ABCG5: variants seen among roughly 807,000 people sequenced by gnomAD.
The protein encoded by ABCG5 is ATP binding cassette subfamily G member 5.
A neutral mutation model predicts 64.5 loss-of-function variants in ABCG5; 64 were observed. That is an observed-to-expected ratio of 0.99 (90% CI 0.81 to 1.22). The LOEUF (loss-of-function observed/expected upper bound fraction) is 1.22, where lower values mean the gene tolerates loss of function less well. Among genes scored for constraint, ABCG5 ranks in the 50% most tolerant of loss-of-function variants. ABCG5 has a pLI of 0.00. For missense variants in ABCG5, 908 were observed against 829.5 expected (o/e 1.09, Z -1.16); for synonymous variants, 385 against 326.3 (o/e 1.18, Z -1.94).
Position 43,827,902 on chromosome 2 carries a change from G to A in ABCG5, c.634+81C>T, listed in dbSNP as rs555515858. On this transcript the variant is annotated intron_variant, in intron 5 of 12. Coordinates refer to ENST00000405322, the MANE Select transcript of ABCG5 (RefSeq NM_022436.3). ...ACAAACCCCTTTCCAAATGAGGACC[G>A]TGAAGAAAGGGCCCAAAGTATCTGC... 1.6e-3 allele frequency: 2,575 copies of A among 1,589,764 alleles called. 7 individuals carry two copies. The highest frequency in any genetic ancestry group is 1.4e-3 in the Non-Finnish European group (1,635 of 1,169,194).
At chr2:43,823,143 A>G (rs1301112015) in intron 9 of ABCG5, among the ~76,000 whole-genome samples, 1 of 152,198 alleles carries the variant, frequency 6.6e-6, no homozygotes. Context: ...TTGCAATACA[A>G]TTGCAAAAGA....
rs1283657891 is a variant in ABCG5 at position 43,838,681 on chromosome 2, G to C, written c.-2C>G. On this transcript the variant is annotated 5_prime_UTR_variant, in exon 1 of 13. Coordinates refer to ENST00000405322, the MANE Select transcript of ABCG5 (RefSeq NM_022436.3). This position sits in a 1 kb window ranked among gnomAD's most constrained non-coding sequence, Gnocchi z 4.2. The stretch of plus-strand genomic sequence containing the variant: ...GGTCAAAGATGAGAGGTCACCCATG[G>C]CCAACAGGCAGCAAAGCTGGGCAAA... 1 of 1,613,524 alleles carries C rather than the reference G, an allele frequency of 6.2e-7. No homozygotes were observed. Among genetic ancestry groups the C allele is most frequent in the Admixed American group, 1.7e-5 (1 of 59,998 alleles).
rs1430362711 is a variant in ABCG5 at position 43,832,008 on chromosome 2, T to C, written c.341A>G (p.Tyr114Cys). ...CCGGCGCAGCGCCCGGCCGTTCACA[T>C]ACACCTCCCCCAGGAAGGTCCCCGC... ...GRAGTFLGEVYVNGRALRREQ... is the reference protein window; with the variant it reads ...GRAGTFLGEVCVNGRALRREQ... Residue 114 changes from tyrosine to cysteine, a missense_variant, in exon 3 of 13, where the codon TAT becomes TGT. By Grantham distance (194) the Tyr-to-Cys change is radical. Transcript: ENST00000405322. 3.8e-6 allele frequency: 6 copies of C among 1,564,724 alleles called. No individual in the cohort carries two copies. The highest frequency in any genetic ancestry group is 1.4e-5 in the African/African-American group (1 of 73,876).
Position 43,824,081 on chromosome 2 carries a change from C to A in ABCG5, c.1156G>T (p.Val386Leu). Residue 386 changes from valine to leucine, a missense_variant, in exon 9 of 13, where the codon GTG becomes TTG. Coordinates refer to ENST00000405322, the MANE Select transcript of ABCG5 (RefSeq NM_022436.3). ...AGATTCTGAAGGAGACGCGTAATCA[C>A]TGCCAGCTTATTTCTCACCAAGTTT... ...TRNLVRNKLAVITRLLQNLIM... is the reference protein window; with the variant it reads ...TRNLVRNKLALITRLLQNLIM... The A allele has an allele frequency of 6.2e-7, 1 of 1,614,248 alleles. No individual in the cohort carries two copies. The highest frequency in any genetic ancestry group is 8.5e-7 in the Non-Finnish European group (1 of 1,180,042).
At chr2:43,822,222 A>G (rs942761883) in intron 10 of ABCG5, among the ~76,000 whole-genome samples, 1 of 151,928 alleles carries the variant, frequency 6.6e-6, no homozygotes, top group African/African-American at 2.4e-5. Context: ...GACTCTACCG[A>G]AGCTCTTTTT....
chr2:43,832,036 G>A lies in ABCG5; in HGVS notation c.313C>T (p.Arg105Cys). ...LLDAMSGRLG[R>C]AGTFLGEVYV... Reference sequence around the variant, plus strand: ...ACCTCCCCCAGGAAGGTCCCCGCGCGCCCCAGCCTCCCGGACATGGCGTCC... The same window carrying A: ...ACCTCCCCCAGGAAGGTCCCCGCGCACCCCAGCCTCCCGGACATGGCGTCC... Residue 105 changes from arginine to cysteine, a missense_variant, in exon 3 of 13, where the codon CGC (arginine) becomes TGC (cysteine). Physicochemically the swap from Arg to Cys is radical, Grantham distance 180 (BLOSUM62 -3). Coordinates refer to ENST00000405322, the MANE Select transcript of ABCG5 (RefSeq NM_022436.3). 6.3e-7 allele frequency: 1 copy of A among 1,576,366 alleles called. No homozygotes were observed. Among genetic ancestry groups the A allele is most frequent in the Middle Eastern group, 1.7e-4 (1 of 6,014 alleles).
At chr2:43,825,185 C>T (rs1360998873) in intron 6 of ABCG5, among the ~76,000 whole-genome samples, 167 bp from the exon 7 acceptor site, 3 of 152,160 alleles carry the variant, frequency 2.0e-5, no homozygotes, top group Non-Finnish European at 4.4e-5. Flanking sequence ...ATGACCTTGG[C>T]CCTGCATCAG....
At chr2:43,811,840 C>T (rs952751701), downstream of ABCG5, among the ~76,000 whole-genome samples, 7 of 152,056 alleles carry the variant, frequency 4.6e-5, no homozygotes, top group Admixed American at 6.6e-5. Flanking sequence ...GTGATCCACC[C>T]GCCTCGGCCT....
chr2:43,835,944 C>CTT (rs35465637), intron 2 of ABCG5, among the ~76,000 whole-genome samples: 1 of 146,154 alleles, frequency 6.8e-6, no homozygotes. Context: ...AATTCCTCTT[C>CTT]TTTTTTTTTT....
At chr2:43,824,614 C>T (rs979836358) in intron 7 of ABCG5, 182 bp from the exon 8 acceptor site, 26 of 985,422 alleles carry the variant, frequency 2.6e-5, no homozygotes, top group Non-Finnish European at 3.1e-5. Flanking sequence ...TTGAGGATCC[C>T]ATTGGGATTG....
intron 11 of ABCG5, among the ~76,000 whole-genome samples, chr2:43,819,056 TGA>T (rs940466891): frequency 6.6e-6 from 1 of 152,230 alleles, no homozygotes; most frequent in Admixed American, 6.5e-5. Flanking sequence ...TGGATTGCTC[TGA>T]GAGTTAAATA....
chr2:43,814,076 T>C (rs1666664227), intron 12 of ABCG5, among the ~76,000 whole-genome samples: 1 of 152,126 alleles, frequency 6.6e-6, no homozygotes, highest in Non-Finnish European at 1.5e-5. Context: ...TCTGGTGGGA[T>C]TGAGGAATAG....
chr2:43,831,694 T>C, intron 4 of ABCG5, 75 bp downstream of exon 4: 1 of 1,396,408 alleles, frequency 7.2e-7, no homozygotes, highest in Non-Finnish European at 9.8e-7. Flanking sequence ...TGGGCAAGCG[T>C]AGGCGAAGAG....
intron 11 of ABCG5, among the ~76,000 whole-genome samples, chr2:43,817,181 C>G (rs1363973388): frequency 6.6e-6 from 1 of 152,174 alleles, no homozygotes; most frequent in Non-Finnish European, 1.5e-5. Context: ...TTGCAACTGC[C>G]TACCTTTTAA....
At chr2:43,809,386 T>C (rs1024575186), downstream of ABCG5, among the ~76,000 whole-genome samples, 3 of 152,230 alleles carry the variant, frequency 2.0e-5, no homozygotes, top group Non-Finnish European at 4.4e-5. Flanking sequence ...TTTTGAATAC[T>C]TGAAGGATGA....
At chr2:43,827,364 ATC>A (rs1211772348) in intron 5 of ABCG5, among the ~76,000 whole-genome samples, 1 of 151,878 alleles carries the variant, frequency 6.6e-6, no homozygotes, top group Non-Finnish European at 1.5e-5. Context: ...TGTTAAAAAC[ATC>A]TCTCTTATTT....
intron 2 of ABCG5, among the ~76,000 whole-genome samples, chr2:43,835,921 G>C (rs533606434): frequency 6.6e-6 from 1 of 152,006 alleles, no homozygotes; most frequent in East Asian, 1.9e-4. Context: ...TGAGTGGACT[G>C]AGACAGTCTG....
At position 43,824,286 on chromosome 2, in the gene ABCG5, A is replaced by G; in HGVS notation, c.1051T>C (p.Leu351=). ...TTGGTTTTGAAAGGAACCATTGGTAACGTTTTCAGGTGTTTCATTCTTTCA... is the reference window on the plus strand; with the variant it reads ...TTGGTTTTGAAAGGAACCATTGGTAGCGTTTTCAGGTGTTTCATTCTTTCA... The part of the protein sequence containing the change: ...NIERMKHLKT[L]PMVPFKTKDS... The change falls in exon 8 of 13, where the codon TTA becomes CTA. Residue 351 remains leucine, a synonymous_variant. Transcript: ENST00000405322. 1 of 1,614,230 alleles carries G rather than the reference A, an allele frequency of 6.2e-7. No homozygotes were observed.
intron 10 of ABCG5, among the ~76,000 whole-genome samples, chr2:43,822,329 C>T (rs1056982872): frequency 2.2e-4 from 34 of 152,206 alleles, no homozygotes; most frequent in African/African-American, 7.0e-4. Context: ...TCTCTCCTTC[C>T]TCATCCTCTC....
Sources: gnomAD v4.1 joint callset for allele counts (sites outside exome capture counted in the v4.1 genomes callset) on GRCh38, gnomAD v4.1.1 for gene constraint, Gnocchi (gnomAD v3.1) non-coding constraint, MANE v1.5 for transcripts, NCBI Gene and HGNC (gene_info 2026-07-23, HGNC 2026-07-21) for gene names.